The following PRTFDC1 variants were observed in gnomAD, a reference collection of about 807,000 sequenced individuals.
PRTFDC1 encodes the protein phosphoribosyl transferase domain containing 1, also known as phosphoribosyltransferase domain-containing protein 1.
In PRTFDC1, 38 loss-of-function variants were observed where a neutral mutation model predicts 34.6. That is an observed-to-expected ratio of 1.10 (90% CI 0.85 to 1.44). PRTFDC1 has a LOEUF of 1.44. PRTFDC1 is among the 40% of genes most tolerant of loss of function. The pLI, the probability that PRTFDC1 is intolerant of heterozygous loss-of-function variation, is 0.00. For synonymous variants in PRTFDC1, 93 were observed against 98.1 expected (o/e 0.95, Z 0.31); for missense variants, 270 against 283.0 (o/e 0.95, Z 0.33).
At chr10:24,875,745 T>A (rs1320470962) in intron 3 of PRTFDC1, among the ~76,000 whole-genome samples, 1 of 152,024 alleles carries the variant, frequency 6.6e-6, no homozygotes, top group Non-Finnish European at 1.5e-5. Context: ...ATTTTTCTAA[T>A]CTAACATGTC....
Position 24,942,550 on chromosome 10 carries a change from G to C in PRTFDC1, c.49-114C>G. 3.6e-6 allele frequency: 3 copies of C among 830,512 alleles called. No homozygotes were observed. In the South Asian group the frequency reaches 4.5e-5, roughly 12 times the overall value. 51.4% of individuals were successfully genotyped at this position (830,512 alleles called of 1,614,324 possible). A position where few individuals can be genotyped will look rare whatever the true frequency, so the allele number is the denominator to read the frequency against. Reference sequence around the variant, plus strand: ...CCCTCAACTTATGAAAAGTTTAGTGGAACAAGGTTATTTGTTTCCACAACC... The same window carrying C: ...CCCTCAACTTATGAAAAGTTTAGTGCAACAAGGTTATTTGTTTCCACAACC... On this transcript the variant is annotated intron_variant, in intron 1 of 8. Coordinates refer to ENST00000320152, the MANE Select transcript of PRTFDC1 (RefSeq NM_020200.7).
At chr10:24,858,590 G>T (rs900059226) in intron 4 of PRTFDC1, among the ~76,000 whole-genome samples, 181 bp from the exon 5 acceptor site, 1 of 152,060 alleles carries the variant, frequency 6.6e-6, no homozygotes, top group African/African-American at 2.4e-5. Context: ...AGGTCCTCTG[G>T]AATTAGTTGG....
At chr10:24,942,855 C>T (rs1849186813) in intron 1 of PRTFDC1, among the ~76,000 whole-genome samples, 1 of 152,090 alleles carries the variant, frequency 6.6e-6, no homozygotes, top group Non-Finnish European at 1.5e-5. Flanking sequence ...GCCATGTTGG[C>T]CAGGCTGGTC....
intron 3 of PRTFDC1, among the ~76,000 whole-genome samples, chr10:24,916,338 A>G (rs1848695431): frequency 6.6e-6 from 1 of 152,234 alleles, no homozygotes; most frequent in African/African-American, 2.4e-5. Flanking sequence ...AGCACCACAC[A>G]CAGACTTATT....
intron 3 of PRTFDC1, among the ~76,000 whole-genome samples, chr10:24,893,268 CTCTT>C (rs1325705775): frequency 3.3e-5 from 5 of 151,676 alleles, no homozygotes; most frequent in Admixed American, 1.3e-4. Context: ...CTCTCTCTCT[CTCTT>C]TCTCTCTCTC....
intron 4 of PRTFDC1, among the ~76,000 whole-genome samples, chr10:24,863,715 T>C (rs1847724383): frequency 6.6e-6 from 1 of 151,978 alleles, no homozygotes; most frequent in Non-Finnish European, 1.5e-5. Flanking sequence ...GATCAAAATA[T>C]TAACATGAGT....
intron 3 of PRTFDC1, among the ~76,000 whole-genome samples, chr10:24,915,361 C>G (rs769790191): frequency 7.9e-5 from 12 of 152,286 alleles, no homozygotes; most frequent in Non-Finnish European, 1.6e-4. Flanking sequence ...AATAACAGCT[C>G]CAAAAGGCAT....
chr10:24,936,209 T>C (rs969657361), intron 3 of PRTFDC1, among the ~76,000 whole-genome samples: 1 of 152,202 alleles, frequency 6.6e-6, no homozygotes, highest in African/African-American at 2.4e-5. Flanking sequence ...ATTTTTAATG[T>C]TTTACTATGC....
At chr10:24,925,620 G>A (rs1325714055) in intron 3 of PRTFDC1, among the ~76,000 whole-genome samples, 1 of 152,130 alleles carries the variant, frequency 6.6e-6, no homozygotes, top group African/African-American at 2.4e-5. Context: ...GCTTTCAAAT[G>A]ATAAACGGAG....
At chr10:24,866,105 A>G (rs564186308) in intron 4 of PRTFDC1, among the ~76,000 whole-genome samples, 1 of 152,264 alleles carries the variant, frequency 6.6e-6, no homozygotes, top group South Asian at 2.1e-4. Flanking sequence ...TCATTCCTGT[A>G]ATCTCAGCAC....
chr10:24,949,748 T>TA (rs59045300), intron 1 of PRTFDC1, among the ~76,000 whole-genome samples: 18,708 of 148,578 alleles, frequency 0.13, 1,819 homozygotes, highest in African/African-American at 0.26. Flanking sequence ...TATTTTTTTT[T>TA]TTTTTTTTAA....
rs376157721 is a variant in PRTFDC1 at position 24,849,797 on chromosome 10, C to A, written c.*47G>T. 171 of 1,589,096 alleles carry A rather than the reference C, an allele frequency of 1.1e-4. 1 individual carries two copies. Among genetic ancestry groups the A allele is most frequent in the Non-Finnish European group, 1.3e-4 (148 of 1,157,892 alleles). ...TGACAGCTGGCTTCCCAAGTACAGG[C>A]GTAAATATGATGCTATCTGGGACTT... On this transcript the variant is annotated 3_prime_UTR_variant, in exon 9 of 9. Transcript: ENST00000320152.
In PRTFDC1 at chr10:24,855,376, A is replaced by G; in HGVS notation, c.507-12T>C. ...TCTTCACCAACAAACTACCATTAAA[A>G]AAGACATGCTTTAGTGAACCCAATC... On this transcript the variant is annotated splice_polypyrimidine_tract_variant and intron_variant, in intron 6 of 8. Transcript: ENST00000320152. 1 of 1,613,988 alleles carries G rather than the reference A, an allele frequency of 6.2e-7. No individual in the cohort carries two copies. The highest frequency in any genetic ancestry group is 8.5e-7 in the Non-Finnish European group (1 of 1,179,888).
intron 3 of PRTFDC1, among the ~76,000 whole-genome samples, chr10:24,887,439 G>A (rs944662939): frequency 7.1e-6 from 1 of 141,260 alleles, no homozygotes; most frequent in African/African-American, 2.6e-5. Flanking sequence ...GAGTTCTCAC[G>A]AGATCTGATG....
chr10:24,912,834 C>G (rs1339317485), intron 3 of PRTFDC1, among the ~76,000 whole-genome samples: 1 of 152,120 alleles, frequency 6.6e-6, no homozygotes, highest in Non-Finnish European at 1.5e-5. Context: ...ACCTGGATTA[C>G]TGCAGTCACC....
intron 2 of PRTFDC1, among the ~76,000 whole-genome samples, chr10:24,940,887 C>T (rs1849144323): frequency 1.3e-5 from 2 of 152,094 alleles, no homozygotes. Context: ...GAAGTGGGAG[C>T]AGGGATTGGC....
At chr10:24,898,396 C>G (rs575258462) in intron 3 of PRTFDC1, among the ~76,000 whole-genome samples, 6 of 142,874 alleles carry the variant, frequency 4.2e-5, no homozygotes, top group Non-Finnish European at 3.0e-5. Context: ...CCTGGGAGGT[C>G]GAGGCTGCAG....
At position 24,858,282 on chromosome 10, in the gene PRTFDC1, C is replaced by T. The variant is rs533096270; in HGVS notation, c.423+110G>A. The T allele has an allele frequency of 2.3e-5, 27 of 1,154,768 alleles. No homozygotes were observed. The South Asian group carries it at 3.3e-4, about 14-fold the overall frequency. 71.5% of individuals were successfully genotyped at this position (1,154,768 alleles called of 1,614,324 possible). A position where few individuals can be genotyped will look rare whatever the true frequency, so the allele number is the denominator to read the frequency against. ...TCATTAAATTTGGAGAGCATGCACC[C>T]AGTGGGAGCTCAAGAAATCCTTGGT... is the stretch of plus-strand genomic sequence containing the variant. On this transcript the variant is annotated intron_variant, in intron 5 of 8. Coordinates refer to ENST00000320152, the MANE Select transcript of PRTFDC1 (RefSeq NM_020200.7).
In PRTFDC1 at chr10:24,903,091, A is replaced by G. The variant is rs139481493; in HGVS notation, c.340-31028T>C. Among the ~76,000 whole-genome samples the G allele has an allele frequency of 3.1e-3, 479 of 152,288 alleles. 1 individual carries two copies. Among genetic ancestry groups the G allele is most frequent in the African/African-American group, 0.011 (448 of 41,570 alleles). On this transcript the variant is annotated intron_variant, in intron 3 of 8. Transcript: ENST00000320152. ...CAGGCACCTGTAATCCCAGCTATTC[A>G]GGAGGCTGAGACAGGAGAATCACTT...
Sources: gnomAD v4.1 joint callset for allele counts (sites outside exome capture counted in the v4.1 genomes callset) on GRCh38, gnomAD v4.1.1 for gene constraint, MANE v1.5 for transcripts, NCBI Gene and HGNC (gene_info 2026-07-23, HGNC 2026-07-21) for gene names.